DLG2: variants seen among roughly 807,000 people sequenced by gnomAD.
DLG2 encodes disks large homolog 2.
DLG2 carries 45 observed loss-of-function variants against 132.5 expected under a neutral mutation model. That is an observed-to-expected ratio of 0.34 (90% CI 0.27 to 0.44). DLG2 has a LOEUF of 0.44. DLG2 is among the 20% of genes least tolerant of loss of function. DLG2 has a pLI of 1.00. For missense variants in DLG2, 1,045 were observed against 1,196.9 expected (o/e 0.87, Z 1.87); for synonymous variants, 424 against 419.6 (o/e 1.01, Z -0.13).
chr11:83,789,328 T>C (rs1304141081), intron 17 of DLG2, among the ~76,000 whole-genome samples: 3 of 149,092 alleles, frequency 2.0e-5, no homozygotes, highest in African/African-American at 7.4e-5. Flanking sequence ...CAATTTCCAT[T>C]CTGTTTAATG....
chr11:84,225,716 A>G (rs1237291297), intron 8 of DLG2, among the ~76,000 whole-genome samples: 1 of 152,134 alleles, frequency 6.6e-6, no homozygotes, highest in Non-Finnish European at 1.5e-5. Context: ...TATGCATTCC[A>G]TACCATTAAT....
chr11:83,865,433 C>A (rs1420803130), intron 16 of DLG2, among the ~76,000 whole-genome samples: 1 of 150,180 alleles, frequency 6.7e-6, no homozygotes, highest in Non-Finnish European at 1.5e-5. Context: ...CAAACATAAG[C>A]CTGGTATCTT....
At chr11:84,130,577 A>G (rs1457532128) in intron 9 of DLG2, among the ~76,000 whole-genome samples, 3 of 147,876 alleles carry the variant, frequency 2.0e-5, no homozygotes, top group Non-Finnish European at 4.5e-5. Context: ...ACGCACACAT[A>G]GACACACACA....
At chr11:85,559,441 G>A (rs899455363) in intron 3 of DLG2, among the ~76,000 whole-genome samples, 14 of 151,496 alleles carry the variant, frequency 9.2e-5, no homozygotes, top group African/African-American at 3.4e-4. Context: ...GAGCCACTGC[G>A]CCCGGCCACA....
At chr11:85,315,650 G>C (rs890794161) in intron 3 of DLG2, among the ~76,000 whole-genome samples, 1 of 152,034 alleles carries the variant, frequency 6.6e-6, no homozygotes, top group Non-Finnish European at 1.5e-5. Flanking sequence ...ACCCAAGATA[G>C]AGACAGGACA....
intron 18 of DLG2, among the ~76,000 whole-genome samples, chr11:83,700,589 A>G (rs1194181432): frequency 6.6e-6 from 1 of 152,242 alleles, no homozygotes; most frequent in Non-Finnish European, 1.5e-5. Flanking sequence ...TTTAAAAACA[A>G]GAATGTCTTA....
intron 10 of DLG2, among the ~76,000 whole-genome samples, chr11:84,091,649 T>A (rs990032024): frequency 6.6e-6 from 1 of 152,234 alleles, no homozygotes; most frequent in African/African-American, 2.4e-5. Context: ...TGTTGTTACA[T>A]GACAATTTAC....
chr11:84,282,017 A>T (rs1043512574), intron 7 of DLG2, among the ~76,000 whole-genome samples: 3 of 152,182 alleles, frequency 2.0e-5, no homozygotes, highest in Admixed American at 1.3e-4. Context: ...GCTCCTAGGC[A>T]TTTACTGAGG....
intron 6 of DLG2, among the ~76,000 whole-genome samples, chr11:84,759,912 G>C (rs904001348): frequency 6.6e-6 from 1 of 151,768 alleles, no homozygotes; most frequent in Non-Finnish European, 1.5e-5. Context: ...TGGTATCGGT[G>C]GAATTACACC....
At chr11:85,569,840 C>G (rs2077742437) in intron 3 of DLG2, among the ~76,000 whole-genome samples, 1 of 152,176 alleles carries the variant, frequency 6.6e-6, no homozygotes, top group Non-Finnish European at 1.5e-5. Context: ...TCTCAAAGAA[C>G]TCAGAAGCAC....
chr11:83,950,081 C>T (rs560500544), intron 14 of DLG2, among the ~76,000 whole-genome samples: 1 of 152,256 alleles, frequency 6.6e-6, no homozygotes, highest in East Asian at 1.9e-4. Context: ...TTGGGTTAGT[C>T]AACATCAGTT....
intron 7 of DLG2, among the ~76,000 whole-genome samples, chr11:84,509,030 T>C (rs2099250072): frequency 6.6e-6 from 1 of 152,172 alleles, no homozygotes; most frequent in Non-Finnish European, 1.5e-5. Flanking sequence ...AACACAAGAA[T>C]TGGAAATCTC....
At chr11:84,704,023 A>C (rs1029813854) in intron 6 of DLG2, among the ~76,000 whole-genome samples, 2 of 150,632 alleles carry the variant, frequency 1.3e-5, no homozygotes, top group African/African-American at 4.9e-5. Flanking sequence ...AGTACTTCTT[A>C]GCATATATCA....
chr11:83,983,872 A>T (rs1180644942), intron 11 of DLG2, among the ~76,000 whole-genome samples: 1 of 152,106 alleles, frequency 6.6e-6, no homozygotes, highest in Non-Finnish European at 1.5e-5. Flanking sequence ...TTTATTATAC[A>T]TGAAAATAGG....
chr11:85,383,305 C>T (rs2086050855), intron 3 of DLG2, among the ~76,000 whole-genome samples: 1 of 152,028 alleles, frequency 6.6e-6, no homozygotes, highest in South Asian at 2.1e-4. Flanking sequence ...AGCCTAGGTG[C>T]TGAGGATAGG....
At position 85,460,230 on chromosome 11, in the gene DLG2, T is replaced by C. The variant is rs192014929; in HGVS notation, c.40+138427A>G. On this transcript the variant is annotated intron_variant, in intron 3 of 27. Transcript: ENST00000376104. ...GGAATGAAGGGAGCCCGACCTCTCC[T>C]ACTGCTGGAGCTCCAGTCACTAATG... is the stretch of plus-strand genomic sequence containing the variant. Among the ~76,000 whole-genome samples the C allele has an allele frequency of 2.8e-4, 42 of 152,286 alleles. No homozygotes were observed. In the East Asian group the frequency reaches 4.4e-3, roughly 16 times the overall value.
chr11:83,744,414 C>A (rs545032372), intron 18 of DLG2, among the ~76,000 whole-genome samples: 2 of 152,264 alleles, frequency 1.3e-5, no homozygotes, highest in Admixed American at 1.3e-4. Context: ...GAGATACAAA[C>A]CAAGTACTGC....
chr11:84,117,925 G>A (rs2093712373), intron 9 of DLG2, among the ~76,000 whole-genome samples: 1 of 151,766 alleles, frequency 6.6e-6, no homozygotes, highest in Admixed American at 6.6e-5. Flanking sequence ...GTGCGATCTC[G>A]GCTCACTGTG....
At chr11:83,930,569 A>G in intron 14 of DLG2, 86 bp from the exon 15 acceptor site, 6 of 1,343,694 alleles carry the variant, frequency 4.5e-6, no homozygotes, top group South Asian at 1.5e-5. Context: ...CAGCATGTGC[A>G]AAAGTAAAAA....
Sources: allele counts gnomAD v4.1 joint callset (sites outside exome capture counted in the v4.1 genomes callset), GRCh38; gene constraint gnomAD v4.1.1; transcripts MANE v1.5; gene names NCBI Gene and HGNC (gene_info 2026-07-23, HGNC 2026-07-21).